The following FAHD1 variants were observed in gnomAD, a reference collection of about 807,000 sequenced individuals.
The protein encoded by FAHD1 is FAH domain containing oxaloacetate decarboxylase 1, also known as oxaloacetate tautomerase FAHD1, mitochondrial.
Under a neutral mutation model 12.7 loss-of-function variants are expected in FAHD1, and 14 were observed. The observed-to-expected ratio is 1.10, with a 90% confidence interval of 0.73 to 1.72. FAHD1 has a LOEUF of 1.72. Among genes scored for constraint, FAHD1 ranks in the 40% most tolerant of loss-of-function variants. The pLI, the probability that FAHD1 is intolerant of heterozygous loss-of-function variation, is 0.00. For missense variants in FAHD1, 351 were observed against 298.9 expected (o/e 1.17, Z -1.29); for synonymous variants, 153 against 124.9 (o/e 1.22, Z -1.50).
At chr16:1,839,441 G>GA in exon 3 of FAHD1, 1 of 1,602,210 alleles carries the variant, frequency 6.2e-7, no homozygotes, top group Non-Finnish European at 8.5e-7. Flanking sequence ...AGCTGGAACT[G>GA]AAAAGAAACA....
intron 2 of FAHD1, chr16:1,839,259 C>G: frequency 1.3e-6 from 2 of 1,591,092 alleles, no homozygotes; most frequent in Non-Finnish European, 8.5e-7. Flanking sequence ...ATTTACCGTG[C>G]AGCCCAAAGT....
At chr16:1,828,044 G>T (rs1034054900) in exon 1 of FAHD1, 5 of 1,420,292 alleles carry the variant, frequency 3.5e-6, no homozygotes. Flanking sequence ...CACTTTGGGA[G>T]GCCGAGGCGG....
At chr16:1,836,506 G>A (rs1364355002) in intron 1 of FAHD1, among the ~76,000 whole-genome samples, 3 of 147,218 alleles carry the variant, frequency 2.0e-5, no homozygotes, top group Non-Finnish European at 4.6e-5. Flanking sequence ...ACAGTATTTA[G>A]GGGCCCATGC....
intron 1 of FAHD1, among the ~76,000 whole-genome samples, chr16:1,836,232 CTG>C (rs1898743063): frequency 6.6e-6 from 1 of 151,958 alleles, no homozygotes; most frequent in Non-Finnish European, 1.5e-5. Flanking sequence ...TTGTAAAATA[CTG>C]TGTTACCTAA....
chr16:1,831,799 C>G (rs1300733285), downstream of FAHD1, among the ~76,000 whole-genome samples: 1 of 152,160 alleles, frequency 6.6e-6, no homozygotes, highest in African/African-American at 2.4e-5. Context: ...AGCGTGAACC[C>G]TTTTGTAAAC....
At chr16:1,836,306 C>A (rs1398336255) in intron 1 of FAHD1, among the ~76,000 whole-genome samples, 2 of 152,186 alleles carry the variant, frequency 1.3e-5, no homozygotes, top group East Asian at 1.9e-4. Context: ...ACATCTGTTA[C>A]ACACATTCTC....
chr16:1,834,326 C>A (rs201707197), intron 1 of FAHD1: 2 of 1,613,028 alleles, frequency 1.2e-6, no homozygotes, highest in East Asian at 4.5e-5. Flanking sequence ...CGAGAGTACA[C>A]TAATTTTCAA....
downstream of FAHD1, among the ~76,000 whole-genome samples, chr16:1,831,516 C>G (rs965137930): frequency 6.6e-6 from 1 of 152,164 alleles, no homozygotes; most frequent in South Asian, 2.1e-4. Context: ...TTTTCTGACC[C>G]TCATAGAAGC....
downstream of FAHD1, among the ~76,000 whole-genome samples, chr16:1,829,959 G>A (rs11644748): frequency 0.18 from 26,825 of 151,682 alleles, 2,533 homozygotes; most frequent in South Asian, 0.27. Context: ...TGCCTCCCAG[G>A]TTCAAGTGAT....
At chr16:1,837,935 A>C in intron 1 of FAHD1, 1 of 1,456,276 alleles carries the variant, frequency 6.9e-7, no homozygotes, top group East Asian at 2.5e-5. Context: ...ATTTTTGACA[A>C]CAGTGTGAAA....
At chr16:1,839,547 T>C (rs569246376) in exon 3 of FAHD1, 16 of 985,990 alleles carry the variant, frequency 1.6e-5, no homozygotes, top group South Asian at 1.5e-4. Flanking sequence ...TGTGGAAAAC[T>C]TACTGAGTGT....
chr16:1,839,239 C>G, intron 2 of FAHD1: 1 of 1,554,830 alleles, frequency 6.4e-7, no homozygotes, highest in South Asian at 1.2e-5. Context: ...AACATTTCTT[C>G]CTTTTTGCTA....
At chr16:1,837,799 G>T in intron 1 of FAHD1, 3 of 1,521,380 alleles carry the variant, frequency 2.0e-6, no homozygotes, top group Non-Finnish European at 2.7e-6. Context: ...AATAAATTTT[G>T]CTTCTTTCCA....
intron 1 of FAHD1, chr16:1,834,245 G>A (rs764448521): frequency 2.7e-6 from 4 of 1,475,586 alleles, no homozygotes; most frequent in Non-Finnish European, 3.8e-6. Context: ...AGTTCAAAAT[G>A]ATAGACCGTT....
At chr16:1,827,739 C>T (rs140989113) in exon 1 of FAHD1, 2 of 1,614,124 alleles carry the variant, frequency 1.2e-6, no homozygotes, top group Admixed American at 1.7e-5. Context: ...TTTCCATCCC[C>T]TACATCATCA....
downstream of FAHD1, among the ~76,000 whole-genome samples, chr16:1,833,358 C>T (rs80347459): frequency 0.18 from 26,905 of 151,822 alleles, 2,522 homozygotes; most frequent in South Asian, 0.27. Flanking sequence ...CAAGCCTCCA[C>T]AAGCACTGGG....
At chr16:1,827,610 G>C (rs1898515397) in exon 1 of FAHD1, 1 of 1,613,766 alleles carries the variant, frequency 6.2e-7, no homozygotes. Context: ...GCTTCACGGC[G>C]TCCTGCCCGG....
chr16:1,834,056 T>G (rs1898673917), intron 1 of FAHD1: 4 of 474,334 alleles, frequency 8.4e-6, no homozygotes, highest in Non-Finnish European at 1.5e-5. Context: ...GCAAAGACAG[T>G]AGGAGGCCTT....
exon 1 of FAHD1, chr16:1,828,657 C>T: frequency 1.1e-6 from 1 of 950,638 alleles, no homozygotes. Context: ...TGGCCCATCT[C>T]GGACTTGCTG....
Sources: gnomAD v4.1 joint callset for allele counts (sites outside exome capture counted in the v4.1 genomes callset) on GRCh38, gnomAD v4.1.1 for gene constraint, MANE v1.5 for transcripts, NCBI Gene and HGNC (gene_info 2026-07-23, HGNC 2026-07-21) for gene names.